The following TBC1D13 variants were observed in gnomAD, a reference collection of about 807,000 sequenced individuals.
TBC1D13 encodes the protein TBC1 domain family member 13.
Under a neutral mutation model 53.6 loss-of-function variants are expected in TBC1D13, and 40 were observed. The ratio of observed to expected loss-of-function variants is 0.75; its 90% CI spans 0.58 to 0.97. The LOEUF (loss-of-function observed/expected upper bound fraction) is 0.97, where lower values mean the gene tolerates loss of function less well. TBC1D13 is among the 50% of genes least tolerant of loss of function. The pLI is 0.00. For missense variants in TBC1D13, 377 were observed against 499.4 expected (o/e 0.75, Z 2.34); for synonymous variants, 182 against 197.7 (o/e 0.92, Z 0.67).
chr9:128,806,030 G>A lies in TBC1D13; in HGVS notation c.1079+11G>A, dbSNP rs772281535. The A allele has an allele frequency of 1.2e-6, 2 of 1,612,498 alleles. No individual in the cohort carries two copies. The highest frequency in any genetic ancestry group is 1.1e-5 in the South Asian group (1 of 90,994). The stretch of plus-strand genomic sequence containing the variant: ...CTGCGCCATGCTCATGTGAGTGCGG[G>A]CATGAGCTGTCATCAGCTCACCTGG... On this transcript the variant is annotated intron_variant, in intron 10 of 11. Coordinates refer to ENST00000372648, the MANE Select transcript of TBC1D13 (RefSeq NM_018201.5).
chr9:128,794,065 T>C (rs1829582006), intron 6 of TBC1D13, among the ~76,000 whole-genome samples: 1 of 152,130 alleles, frequency 6.6e-6, no homozygotes, highest in South Asian at 2.1e-4. Flanking sequence ...CTGTTTTCCT[T>C]TGGGGGATCG....
chr9:128,804,170 G>GC, intron 9 of TBC1D13, 51 bp downstream of exon 9: 1 of 1,593,312 alleles, frequency 6.3e-7, no homozygotes, highest in Non-Finnish European at 8.6e-7. Flanking sequence ...GCAGAGAGTT[G>GC]CTGTGCCATC....
At chr9:128,802,348 G>A (rs1206931499) in intron 7 of TBC1D13, among the ~76,000 whole-genome samples, 2 of 152,124 alleles carry the variant, frequency 1.3e-5, no homozygotes, top group African/African-American at 2.4e-5. Context: ...ATGAACCACC[G>A]TGCCCGGCCC....
At chr9:128,802,305 G>A (rs531024531) in intron 7 of TBC1D13, among the ~76,000 whole-genome samples, 2 of 151,794 alleles carry the variant, frequency 1.3e-5, no homozygotes, top group African/African-American at 2.4e-5. Flanking sequence ...TAATCTGCCC[G>A]TCTTGACCTC....
intron 9 of TBC1D13, 76 bp from the exon 10 acceptor site, chr9:128,805,783 T>C: frequency 6.7e-7 from 1 of 1,502,712 alleles, no homozygotes; most frequent in Non-Finnish European, 9.0e-7. Flanking sequence ...AATTCACTTC[T>C]GACCCACTGC....
At chr9:128,791,480 G>A (rs1203743171) in intron 4 of TBC1D13, 39 bp downstream of exon 4, 5 of 1,611,422 alleles carry the variant, frequency 3.1e-6, no homozygotes, top group South Asian at 1.1e-5. Flanking sequence ...GAGGGCCCTT[G>A]CATGTGACAG....
chr9:128,792,594 C>T lies in TBC1D13; in HGVS notation c.383+20C>T, dbSNP rs1284837533. On this transcript the variant is annotated intron_variant, in intron 6 of 11. Transcript: ENST00000372648. ...TGTCCGGTAGGCAGGGTGCCTGGGGCCGGGAGCTGGCCCATGGGACTTCTG... is the reference window on the plus strand; with the variant it reads ...TGTCCGGTAGGCAGGGTGCCTGGGGTCGGGAGCTGGCCCATGGGACTTCTG... 3.1e-6 allele frequency: 5 copies of T among 1,611,086 alleles called. No individual in the cohort carries two copies. In the African/African-American group the frequency reaches 4.0e-5, roughly 13 times the overall value.
In TBC1D13 at chr9:128,791,483, T is replaced by C. The variant is rs777911003; in HGVS notation, c.200+42T>C. The stretch of plus-strand genomic sequence containing the variant: ...GGGCAGTGACAGGAGGGCCCTTGCA[T>C]GTGACAGAGCCAGTACCGCTGGGGC... On this transcript the variant is annotated intron_variant, in intron 4 of 11. Transcript: ENST00000372648. The C allele has an allele frequency of 3.1e-6, 5 of 1,611,204 alleles. No individual in the cohort carries two copies. The Admixed American group carries it at 8.3e-5, about 27-fold the overall frequency.
At chr9:128,789,605 T>G (rs1298535145) in intron 2 of TBC1D13, among the ~76,000 whole-genome samples, 1 of 151,946 alleles carries the variant, frequency 6.6e-6, no homozygotes, top group African/African-American at 2.4e-5. Context: ...ATAATGAAGA[T>G]TAAATGAAAT....
intron 6 of TBC1D13, among the ~76,000 whole-genome samples, chr9:128,793,463 G>A (rs2132535245): frequency 6.6e-6 from 1 of 152,278 alleles, no homozygotes; most frequent in East Asian, 1.9e-4. Context: ...CAAGGGCTTG[G>A]GTTCTGGAGT....
rs377342368 is a variant in TBC1D13 at position 128,806,410 on chromosome 9, C to G, written c.1137+99C>G. The G allele has an allele frequency of 2.0e-5, 28 of 1,406,184 alleles. No homozygotes were observed. In the East Asian group the frequency reaches 4.1e-4, roughly 21 times the overall value. The allele number at this position is 1,406,184 out of a possible 1,614,324, so 87.1% of individuals were successfully genotyped here. A position where few individuals can be genotyped will look rare whatever the true frequency, so the allele number is the denominator to read the frequency against. ...GCTGCGACAGGCTGGGCAGGGGCAGCGGAGTGTAGTAGGGATTAAAGTCCA... is the reference window on the plus strand; with the variant it reads ...GCTGCGACAGGCTGGGCAGGGGCAGGGGAGTGTAGTAGGGATTAAAGTCCA... On this transcript the variant is annotated intron_variant, in intron 11 of 11. Coordinates refer to ENST00000372648, the MANE Select transcript of TBC1D13 (RefSeq NM_018201.5).
chr9:128,807,117 C>T (rs1244393485), intron 11 of TBC1D13, among the ~76,000 whole-genome samples: 12 of 148,914 alleles, frequency 8.1e-5, no homozygotes, highest in African/African-American at 2.5e-4. Context: ...GACAGAGTCT[C>T]GCTCTGTTGT....
intron 1 of TBC1D13, among the ~76,000 whole-genome samples, chr9:128,787,915 C>G (rs755387291): frequency 6.6e-6 from 1 of 152,056 alleles, no homozygotes; most frequent in African/African-American, 2.4e-5. Context: ...TGAGCATGGT[C>G]CATTGTCTGC....
chr9:128,807,755 T>C (rs1829863827), intron 11 of TBC1D13, 59 bp from the exon 12 acceptor site: 2 of 1,561,108 alleles, frequency 1.3e-6, no homozygotes, highest in African/African-American at 2.7e-5. Flanking sequence ...AGGGAGGGTG[T>C]GGGTGTGGCA....
chr9:128,807,182 G>A lies in TBC1D13; in HGVS notation c.1138-632G>A, dbSNP rs550182880. 8.0e-4 allele frequency among the ~76,000 whole-genome samples: 121 copies of A among 151,134 alleles called. 1 individual carries two copies. Among genetic ancestry groups the A allele is most frequent in the African/African-American group, 2.7e-3 (110 of 41,098 alleles). ...GTTCACTGCAACCTCCACCTCCCAGGTTCAAGTGATTCTCCTGCCTTAGCC... is the reference window on the plus strand; with the variant it reads ...GTTCACTGCAACCTCCACCTCCCAGATTCAAGTGATTCTCCTGCCTTAGCC... On this transcript the variant is annotated intron_variant, in intron 11 of 11. Transcript: ENST00000372648.
intron 2 of TBC1D13, 104 bp downstream of exon 2, chr9:128,788,511 G>A: frequency 2.9e-6 from 3 of 1,018,722 alleles, no homozygotes; most frequent in Non-Finnish European, 4.5e-6. Flanking sequence ...GCTGCTGGGG[G>A]CTGGGGCCTT....
chr9:128,793,920 A>G (rs774424517), intron 6 of TBC1D13, among the ~76,000 whole-genome samples: 5 of 152,234 alleles, frequency 3.3e-5, no homozygotes, highest in Admixed American at 6.5e-5. Flanking sequence ...GGACTGAAAC[A>G]GTCTCTGCCT....
At chr9:128,797,556 G>A (rs991269048) in intron 7 of TBC1D13, among the ~76,000 whole-genome samples, 3 of 151,812 alleles carry the variant, frequency 2.0e-5, no homozygotes, top group South Asian at 2.1e-4. Context: ...TAATCCCAGC[G>A]CTTTGGGAGG....
intron 7 of TBC1D13, 50 bp from the exon 8 acceptor site, chr9:128,803,200 A>G (rs747435176): frequency 2.6e-6 from 4 of 1,558,116 alleles, no homozygotes; most frequent in Non-Finnish European, 3.5e-6. Flanking sequence ...GGCATGAGCC[A>G]CTGACCCCAG....
Sources: gnomAD v4.1 joint callset for allele counts (sites outside exome capture counted in the v4.1 genomes callset) on GRCh38, gnomAD v4.1.1 for gene constraint, MANE v1.5 for transcripts, NCBI Gene and HGNC (gene_info 2026-07-23, HGNC 2026-07-21) for gene names.